NRG2: variants seen among roughly 807,000 people sequenced by gnomAD.
NRG2 encodes the protein pro-neuregulin-2, membrane-bound isoform.
A neutral mutation model predicts 73.9 loss-of-function variants in NRG2; 27 were observed. The ratio of observed to expected loss-of-function variants is 0.37; its 90% CI spans 0.27 to 0.50. The LOEUF (loss-of-function observed/expected upper bound fraction) is 0.50, where lower values mean the gene tolerates loss of function less well. Ranked by LOEUF, NRG2 falls within the 20% of genes least tolerant of loss-of-function variation. NRG2 has a pLI of 0.96. For synonymous variants in NRG2, 532 were observed against 541.0 expected, an observed-to-expected ratio of 0.98 and a Z score of 0.23; for missense variants, 1,126 against 1,210.1, an observed-to-expected ratio of 0.93 and a Z score of 1.03.
intron 3 of NRG2, among the ~76,000 whole-genome samples, chr5:139,872,425 C>G (rs971695518): frequency 5.3e-5 from 8 of 152,126 alleles, no homozygotes; most frequent in African/African-American, 1.9e-4. Flanking sequence ...CTCTCTTCCC[C>G]CATTCTCCAA....
chr5:139,924,066 TG>T (rs1241488381), intron 1 of NRG2, among the ~76,000 whole-genome samples: 1 of 152,186 alleles, frequency 6.6e-6, no homozygotes, highest in African/African-American at 2.4e-5. Context: ...AAACCTGGCC[TG>T]GTCCAGCCCT....
In NRG2 at chr5:139,847,887, G is replaced by A. The variant is rs984307842; in HGVS notation, c.*30C>T. ...CTGGTCTCCTTAAAGATAGTGGGGC[G>A]GGCGGGGCGGAGGGGCGCGCGGCGG... On this transcript the variant is annotated 3_prime_UTR_variant, in exon 10 of 10. Coordinates refer to ENST00000361474, the MANE Select transcript of NRG2 (RefSeq NM_004883.3). 3.6e-6 allele frequency: 5 copies of A among 1,370,134 alleles called. No individual in the cohort carries two copies. In the Admixed American group the frequency reaches 1.1e-4, roughly 29 times the overall value. The allele number at this position is 1,370,134 out of a possible 1,614,324, so 84.9% of individuals were successfully genotyped here.
chr5:139,924,670 T>G (rs1330576221), intron 1 of NRG2, among the ~76,000 whole-genome samples: 1 of 152,256 alleles, frequency 6.6e-6, no homozygotes, highest in East Asian at 1.9e-4. Context: ...AATATTTCTG[T>G]GTCCTCTTTA....
At chr5:139,881,399 C>T (rs370774226) in intron 2 of NRG2, among the ~76,000 whole-genome samples, 2 of 152,284 alleles carry the variant, frequency 1.3e-5, no homozygotes, top group African/African-American at 2.4e-5. Flanking sequence ...CCCAGATACC[C>T]GGGAGGGCAG....
chr5:139,933,148 G>C (rs1752603168), intron 1 of NRG2, among the ~76,000 whole-genome samples: 1 of 152,128 alleles, frequency 6.6e-6, no homozygotes, highest in East Asian at 1.9e-4. Context: ...GGTGGCACCT[G>C]CCTGTAATCC....
chr5:139,913,335 T>C (rs1419774534), intron 1 of NRG2, among the ~76,000 whole-genome samples: 2 of 152,206 alleles, frequency 1.3e-5, no homozygotes, highest in African/African-American at 4.8e-5. Context: ...CTCCACCCAC[T>C]CTGAAGCAGT....
chr5:139,847,901 G>A lies in NRG2; in HGVS notation c.*16C>T, dbSNP rs1306570712. The A allele has an allele frequency of 3.5e-6, 5 of 1,416,088 alleles. No individual in the cohort carries two copies. The highest frequency in any genetic ancestry group is 4.6e-6 in the Non-Finnish European group (5 of 1,092,234). The allele number at this position is 1,416,088 out of a possible 1,614,324, so 87.7% of individuals were successfully genotyped here. ...GATAGTGGGGCGGGCGGGGCGGAGG[G>A]GCGCGCGGCGGGGCCCTAGAGTGGC... On this transcript the variant is annotated 3_prime_UTR_variant, in exon 10 of 10. Coordinates refer to ENST00000361474, the MANE Select transcript of NRG2 (RefSeq NM_004883.3).
At position 139,897,734 on chromosome 5, in the gene NRG2, A is replaced by G. The variant is rs1764634849; in HGVS notation, c.701-10223T>C. 3.3e-5 allele frequency among the ~76,000 whole-genome samples: 5 copies of G among 152,220 alleles called. No individual in the cohort carries two copies. The South Asian group carries it at 1.0e-3, about 32-fold the overall frequency. On this transcript the variant is annotated intron_variant, in intron 1 of 9. Coordinates refer to ENST00000361474, the MANE Select transcript of NRG2 (RefSeq NM_004883.3). Reference sequence around the variant, plus strand: ...TGGAGGGTGGGATCCATTGACAGGTAATCCCAGAGCCCCTTCCCACCCAAC... The same window carrying G: ...TGGAGGGTGGGATCCATTGACAGGTGATCCCAGAGCCCCTTCCCACCCAAC...
chr5:139,860,862 T>C (rs1762103376), intron 5 of NRG2, among the ~76,000 whole-genome samples: 1 of 152,146 alleles, frequency 6.6e-6, no homozygotes, highest in African/African-American at 2.4e-5. Flanking sequence ...CCAATCTAGT[T>C]AAGTCTCAGG....
intron 1 of NRG2, among the ~76,000 whole-genome samples, chr5:140,003,698 T>C (rs1314781755): frequency 6.6e-6 from 1 of 152,208 alleles, no homozygotes; most frequent in Non-Finnish European, 1.5e-5. Flanking sequence ...CCATTTGTTG[T>C]GGTAATTTTT....
intron 1 of NRG2, among the ~76,000 whole-genome samples, chr5:139,928,649 C>G (rs577392592): frequency 6.6e-6 from 1 of 152,320 alleles, no homozygotes; most frequent in Non-Finnish European, 1.5e-5. Flanking sequence ...TGATGCTGGT[C>G]TTTCCTGATG....
At chr5:139,891,107 C>T (rs1049241517) in intron 1 of NRG2, among the ~76,000 whole-genome samples, 5 of 152,246 alleles carry the variant, frequency 3.3e-5, no homozygotes, top group Non-Finnish European at 4.4e-5. Context: ...TCATGAGCCA[C>T]TTCCCTCCCA....
chr5:139,953,953 C>A (rs190820962), intron 1 of NRG2, among the ~76,000 whole-genome samples: 1 of 152,136 alleles, frequency 6.6e-6, no homozygotes, highest in Admixed American at 6.5e-5. Flanking sequence ...ACCCCTCCCC[C>A]ATCCCTGGCA....
chr5:139,978,102 A>T (rs2126551476), intron 1 of NRG2, among the ~76,000 whole-genome samples: 1 of 152,322 alleles, frequency 6.6e-6, no homozygotes, highest in Non-Finnish European at 1.5e-5. Flanking sequence ...ATAGGATCTA[A>T]TTAAACTAAA....
intron 1 of NRG2, among the ~76,000 whole-genome samples, chr5:139,923,405 A>C (rs1751824520): frequency 6.6e-6 from 1 of 152,200 alleles, no homozygotes; most frequent in South Asian, 2.1e-4. Flanking sequence ...CCTGAAGTGC[A>C]GGGATAGAGC....
intron 1 of NRG2, among the ~76,000 whole-genome samples, chr5:140,000,312 G>C (rs965216864): frequency 1.3e-5 from 2 of 152,234 alleles, no homozygotes; most frequent in African/African-American, 4.8e-5. Context: ...CTCTGTGCTT[G>C]AACTCTGGCA....
intron 1 of NRG2, among the ~76,000 whole-genome samples, chr5:139,924,212 CTG>C (rs1393176669): frequency 6.6e-6 from 1 of 152,198 alleles, no homozygotes; most frequent in Non-Finnish European, 1.5e-5. Flanking sequence ...CCCTGGCTGT[CTG>C]GGCTCAAGAA....
chr5:139,879,739 C>A lies in NRG2; in HGVS notation c.991+1117G>T, dbSNP rs183489908. Among the ~76,000 whole-genome samples, 24 of 152,166 alleles carry A rather than the reference C, an allele frequency of 1.6e-4. No homozygotes were observed. The East Asian group carries it at 4.6e-3, about 29-fold the overall frequency. On this transcript the variant is annotated intron_variant, in intron 3 of 9. Coordinates refer to ENST00000361474, the MANE Select transcript of NRG2 (RefSeq NM_004883.3). The stretch of plus-strand genomic sequence containing the variant: ...GGGATGAAACCCAAGCCAGGGTTAC[C>A]CTTGAGGTATAGTTAGAGCAGAAGA...
chr5:139,967,368 C>T (rs1300615477), intron 1 of NRG2, among the ~76,000 whole-genome samples: 2 of 152,194 alleles, frequency 1.3e-5, no homozygotes, highest in Non-Finnish European at 1.5e-5. Context: ...ATACCTCCTC[C>T]GCAACAGAGT....
Sources: allele counts gnomAD v4.1 joint callset (sites outside exome capture counted in the v4.1 genomes callset), GRCh38; gene constraint gnomAD v4.1.1; transcripts MANE v1.5; gene names NCBI Gene and HGNC (gene_info 2026-07-23, HGNC 2026-07-21).